RTL4: variants seen among roughly 807,000 people sequenced by gnomAD.
The protein encoded by RTL4 is retrotransposon Gag-like protein 4.
RTL4 carries 4 observed loss-of-function variants against 5.3 expected under a neutral mutation model. The ratio of observed to expected loss-of-function variants is 0.75; its 90% CI spans 0.37 to 1.72. The LOEUF (loss-of-function observed/expected upper bound fraction) is 1.72. RTL4 is among the 40% of genes most tolerant of loss of function. The pLI is 0.04. For synonymous variants in RTL4, 98 were observed against 87.3 expected, an observed-to-expected ratio of 1.12 and a Z score of -0.68; for missense variants, 260 against 227.1, an observed-to-expected ratio of 1.14 and a Z score of -0.93.
the RTL4 span, among the ~76,000 whole-genome samples, chrX:112,314,499 G>T: frequency 1.2e-5 from 1 of 82,896 alleles, no homozygotes; most frequent in African/African-American, 4.5e-5. Context: ...ATGAGGAAGG[G>T]GATCCTGGTG....
At chrX:112,173,010 G>T in the RTL4 span, among the ~76,000 whole-genome samples, 2 of 106,413 alleles carry the variant, frequency 1.9e-5, no homozygotes, top group East Asian at 6.0e-4. Context: ...CTGTTGGGGG[G>T]GTCGGGGGAG....
At chrX:112,167,364 C>A in the RTL4 span, among the ~76,000 whole-genome samples, 3 of 111,529 alleles carry the variant, frequency 2.7e-5, no homozygotes, top group South Asian at 1.1e-3. Flanking sequence ...GGGTAAGTTT[C>A]CTCCTTGGGC....
the RTL4 span, among the ~76,000 whole-genome samples, chrX:112,442,447 C>T: frequency 1.7e-4 from 18 of 108,756 alleles, no homozygotes; most frequent in African/African-American, 5.7e-4. Flanking sequence ...TGGAGTTTCA[C>T]CATGTTGGCC....
upstream of RTL4, among the ~76,000 whole-genome samples, chrX:112,451,498 CA>C (rs763960643): frequency 5.8e-3 from 617 of 106,675 alleles, 15 homozygotes; most frequent in African/African-American, 0.013. Flanking sequence ...GGTTCTGTCT[CA>C]AAAAAAAAAT....
At chrX:112,347,077 TTGCCA>T in the RTL4 span, among the ~76,000 whole-genome samples, 3 of 111,934 alleles carry the variant, frequency 2.7e-5, no homozygotes, top group South Asian at 1.1e-3. Flanking sequence ...AAGTCTGGCT[TTGCCA>T]TTTACTAGTT....
chrX:112,331,308 C>G, the RTL4 span, among the ~76,000 whole-genome samples: 14 of 106,921 alleles, frequency 1.3e-4, no homozygotes, highest in African/African-American at 4.4e-4. Flanking sequence ...AACAAATTTA[C>G]AAGAAAAAAA....
At chrX:112,157,077 T>C in the RTL4 span, among the ~76,000 whole-genome samples, 1 of 108,567 alleles carries the variant, frequency 9.2e-6, no homozygotes, top group Non-Finnish European at 1.9e-5. Context: ...TGTGTGTGTG[T>C]GTGTGTGTGT....
chrX:112,084,503 C>A, the RTL4 span, among the ~76,000 whole-genome samples: 2 of 107,910 alleles, frequency 1.9e-5, no homozygotes, highest in Non-Finnish European at 3.8e-5. Context: ...CCAAGAGGGT[C>A]GCTGAAAAAA....
chrX:112,092,301 G>T, the RTL4 span, among the ~76,000 whole-genome samples: 1 of 111,433 alleles, frequency 9.0e-6, no homozygotes, highest in Non-Finnish European at 1.9e-5. Flanking sequence ...TTTCTCATTT[G>T]CTTGCTTTTG....
chrX:112,235,887 A>C, the RTL4 span, among the ~76,000 whole-genome samples: 2 of 111,772 alleles, frequency 1.8e-5, no homozygotes, highest in Non-Finnish European at 3.8e-5. Context: ...AAGAATACTC[A>C]GAGTAAGTAA....
chrX:112,327,932 A>C, the RTL4 span, among the ~76,000 whole-genome samples: 2 of 109,180 alleles, frequency 1.8e-5, no homozygotes, highest in Non-Finnish European at 3.8e-5. Context: ...GGAGAAATAA[A>C]ATACTTTACA....
the RTL4 span, among the ~76,000 whole-genome samples, chrX:112,094,505 G>A: frequency 1.8e-5 from 2 of 110,835 alleles, no homozygotes; most frequent in African/African-American, 3.3e-5. Context: ...AGATTTGGAA[G>A]TTGTCACCAT....
the RTL4 span, among the ~76,000 whole-genome samples, chrX:112,326,151 C>G: frequency 9.0e-6 from 1 of 111,643 alleles, no homozygotes; most frequent in South Asian, 3.7e-4. Flanking sequence ...GAAACAGGAG[C>G]CAAGATGGCC....
the RTL4 span, among the ~76,000 whole-genome samples, chrX:112,306,195 C>T: frequency 9.0e-6 from 1 of 111,316 alleles, no homozygotes; most frequent in Non-Finnish European, 1.9e-5. Context: ...CTATATCTCG[C>T]CCCACCCAGA....
chrX:112,195,447 C>T, the RTL4 span, among the ~76,000 whole-genome samples: 3 of 111,849 alleles, frequency 2.7e-5, no homozygotes, highest in African/African-American at 9.7e-5. Flanking sequence ...CAACTCATTC[C>T]TCCATCATTC....
chrX:112,294,325 G>A, the RTL4 span, among the ~76,000 whole-genome samples: 24 of 111,153 alleles, frequency 2.2e-4, no homozygotes, highest in African/African-American at 4.6e-4. Flanking sequence ...GGCCAGGCGC[G>A]GTGGCTCACA....
At chrX:112,172,447 A>G in the RTL4 span, among the ~76,000 whole-genome samples, 14 of 112,036 alleles carry the variant, frequency 1.2e-4, no homozygotes, top group African/African-American at 4.5e-4. Context: ...GAAAACCACA[A>G]TGAGATACCA....
the RTL4 span, among the ~76,000 whole-genome samples, chrX:112,276,824 A>T: frequency 8.9e-5 from 10 of 112,047 alleles, no homozygotes; most frequent in African/African-American, 2.9e-4. Context: ...ATTTGTTTTC[A>T]GATAATAGTA....
chrX:112,349,092 T>C, the RTL4 span, among the ~76,000 whole-genome samples: 1 of 110,961 alleles, frequency 9.0e-6, no homozygotes, highest in African/African-American at 3.3e-5. Context: ...TTTGAATGTA[T>C]GAAGTCTGCT....
Sources: gnomAD v4.1 joint callset for allele counts (sites outside exome capture counted in the v4.1 genomes callset) on GRCh38, gnomAD v4.1.1 for gene constraint, MANE v1.5 for transcripts, NCBI Gene and HGNC (gene_info 2026-07-23, HGNC 2026-07-21) for gene names.